HS6ST3: variants seen among roughly 807,000 people sequenced by gnomAD.
HS6ST3 encodes the protein heparan sulfate 6-O-sulfotransferase 3, also known as heparan-sulfate 6-O-sulfotransferase 3.
HS6ST3 carries 12 observed loss-of-function variants against 36.7 expected under a neutral mutation model. The observed-to-expected ratio is 0.33, with a 90% CI of 0.21 to 0.53. HS6ST3 has a LOEUF of 0.53. Among genes scored for constraint, HS6ST3 ranks in the 20% least tolerant of loss-of-function variants. HS6ST3 has a pLI of 0.95. For synonymous variants in HS6ST3, 240 were observed against 257.5 expected (o/e 0.93, Z 0.65); for missense variants, 584 against 640.9 (o/e 0.91, Z 0.96).
chr13:96,563,973 A>G (rs780487660), intron 1 of HS6ST3, among the ~76,000 whole-genome samples: 1 of 152,184 alleles, frequency 6.6e-6, no homozygotes, highest in Non-Finnish European at 1.5e-5. Context: ...ACAGGAAATA[A>G]TATAATTGGT....
chr13:96,291,916 A>G (rs536276162), intron 1 of HS6ST3, among the ~76,000 whole-genome samples: 1 of 152,196 alleles, frequency 6.6e-6, no homozygotes, highest in Non-Finnish European at 1.5e-5. Context: ...CATATTGAGT[A>G]CATATGGTTT....
At chr13:96,436,816 AT>A (rs1281874817) in intron 1 of HS6ST3, among the ~76,000 whole-genome samples, 2 of 152,118 alleles carry the variant, frequency 1.3e-5, no homozygotes, top group African/African-American at 4.8e-5. Context: ...AAGACAATAA[AT>A]TTCTGTTGTT....
At chr13:96,750,886 T>C (rs1876684524) in intron 1 of HS6ST3, among the ~76,000 whole-genome samples, 1 of 152,206 alleles carries the variant, frequency 6.6e-6, no homozygotes, top group South Asian at 2.1e-4. Flanking sequence ...AAGAGCTTAA[T>C]TTTTTGCTTA....
chr13:96,721,073 G>C (rs995367567), intron 1 of HS6ST3, among the ~76,000 whole-genome samples: 1 of 152,196 alleles, frequency 6.6e-6, no homozygotes, highest in African/African-American at 2.4e-5. Flanking sequence ...AGCAGCCTCT[G>C]TGGCAAAGTT....
chr13:96,383,249 C>T (rs190793058), intron 1 of HS6ST3, among the ~76,000 whole-genome samples: 102 of 152,128 alleles, frequency 6.7e-4, no homozygotes, highest in African/African-American at 1.1e-3. Flanking sequence ...CTCAGGAGTT[C>T]GAGACCAGCC....
chr13:96,168,771 C>G (rs1342030757), intron 1 of HS6ST3, among the ~76,000 whole-genome samples: 1 of 151,674 alleles, frequency 6.6e-6, no homozygotes, highest in Non-Finnish European at 1.5e-5. Context: ...GTTATGTTTA[C>G]TTTTTAATTT....
At chr13:96,524,489 G>C (rs2056106035) in intron 1 of HS6ST3, among the ~76,000 whole-genome samples, 1 of 152,230 alleles carries the variant, frequency 6.6e-6, no homozygotes. Flanking sequence ...AGAGGCAGTA[G>C]GCCTTGCTGA....
chr13:96,663,426 G>A (rs1441989814), intron 1 of HS6ST3, among the ~76,000 whole-genome samples: 1 of 152,144 alleles, frequency 6.6e-6, no homozygotes. Context: ...AGTCATTAGG[G>A]AATGCAAATT....
At chr13:96,406,785 C>T (rs2055480771) in intron 1 of HS6ST3, among the ~76,000 whole-genome samples, 1 of 152,142 alleles carries the variant, frequency 6.6e-6, no homozygotes, top group South Asian at 2.1e-4. Flanking sequence ...GGTATTTTGT[C>T]TTCTGTCAGA....
intron 1 of HS6ST3, among the ~76,000 whole-genome samples, chr13:96,575,149 A>T (rs543612574): frequency 6.6e-6 from 1 of 152,080 alleles, no homozygotes; most frequent in Non-Finnish European, 1.5e-5. Context: ...CAAGCCATGG[A>T]TATTTTCATT....
At chr13:96,399,802 T>A (rs1262636354) in intron 1 of HS6ST3, among the ~76,000 whole-genome samples, 1 of 152,268 alleles carries the variant, frequency 6.6e-6, no homozygotes, top group African/African-American at 2.4e-5. Context: ...ATAAGTTTAA[T>A]AAGTTTATTT....
At chr13:96,584,526 A>G (rs937281480) in intron 1 of HS6ST3, among the ~76,000 whole-genome samples, 1 of 152,104 alleles carries the variant, frequency 6.6e-6, no homozygotes, top group Non-Finnish European at 1.5e-5. Context: ...GTCTATCCCA[A>G]TTTTCTAGGA....
At chr13:96,318,834 A>G (rs750635454) in intron 1 of HS6ST3, among the ~76,000 whole-genome samples, 4 of 152,188 alleles carry the variant, frequency 2.6e-5, no homozygotes, top group Non-Finnish European at 4.4e-5. Flanking sequence ...GCTGCCTCAG[A>G]TGTTGGTCAC....
At chr13:96,291,477 AAT>A (rs2054829646) in intron 1 of HS6ST3, among the ~76,000 whole-genome samples, 1 of 152,178 alleles carries the variant, frequency 6.6e-6, no homozygotes, top group South Asian at 2.1e-4. Context: ...AAACAAGGAA[AAT>A]CCACGTGCTA....
intron 1 of HS6ST3, among the ~76,000 whole-genome samples, chr13:96,146,081 G>A (rs61968009): frequency 0.026 from 3,980 of 152,260 alleles, 64 homozygotes; most frequent in Non-Finnish European, 0.034. Context: ...TTGAAGTCAG[G>A]TAGCATGATG....
At chr13:96,624,020 A>G (rs968521518) in intron 1 of HS6ST3, among the ~76,000 whole-genome samples, 2 of 152,222 alleles carry the variant, frequency 1.3e-5, no homozygotes, top group African/African-American at 4.8e-5. Context: ...TGCTTGGTAT[A>G]TGAAATGCTA....
chr13:96,459,567 T>C (rs1390382433), intron 1 of HS6ST3, among the ~76,000 whole-genome samples: 2 of 152,206 alleles, frequency 1.3e-5, no homozygotes, highest in African/African-American at 2.4e-5. Context: ...GGAAAGAAGA[T>C]GGACTCTGGT....
rs998273106 is a variant in HS6ST3, at chr13:96,838,446, A to G, written c.*5248A>G. 2 of 152,242 alleles carry G rather than the reference A, an allele frequency of 1.3e-5. No homozygotes were observed. Among genetic ancestry groups the G allele is most frequent in the African/African-American group, 2.4e-5 (1 of 41,440 alleles). The allele number at this position is 152,242 out of a possible 1,614,324, so 9.4% of individuals were successfully genotyped here. ...TGATCTGATCGCAGCTGTGACTCCAAGGTTTTCCTTTCCCATAGTTGCTGT... is the reference window on the plus strand; with the variant it reads ...TGATCTGATCGCAGCTGTGACTCCAGGGTTTTCCTTTCCCATAGTTGCTGT... On this transcript the variant is annotated 3_prime_UTR_variant, in exon 2 of 2. Coordinates refer to ENST00000376705, the MANE Select transcript of HS6ST3 (RefSeq NM_153456.4).
At chr13:96,353,700 C>CTA (rs2055196145) in intron 1 of HS6ST3, among the ~76,000 whole-genome samples, 1 of 151,960 alleles carries the variant, frequency 6.6e-6, no homozygotes, top group Non-Finnish European at 1.5e-5. Flanking sequence ...TATACCTTTA[C>CTA]TTATGCAACA....
Sources: allele counts gnomAD v4.1 joint callset (sites outside exome capture counted in the v4.1 genomes callset), GRCh38; gene constraint gnomAD v4.1.1; transcripts MANE v1.5; gene names NCBI Gene and HGNC (gene_info 2026-07-23, HGNC 2026-07-21).